DOCK3: variants seen among roughly 807,000 people sequenced by gnomAD.
DOCK3 encodes the protein dedicator of cytokinesis 3, also known as dedicator of cytokinesis protein 3.
DOCK3 carries 60 observed loss-of-function variants against 265.6 expected under a neutral mutation model. That is an observed-to-expected ratio of 0.23 (90% CI 0.18 to 0.28). The LOEUF (loss-of-function observed/expected upper bound fraction) is 0.28, where lower values mean the gene tolerates loss of function less well. DOCK3 is among the 10% of genes least tolerant of loss of function. DOCK3 has a pLI of 1.00. For missense variants in DOCK3, 1,981 were observed against 2,594.3 expected (o/e 0.76, Z 5.14); for synonymous variants, 881 against 938.0 (o/e 0.94, Z 1.11).
chr3:50,792,044 G>A (rs1317592343), intron 2 of DOCK3, among the ~76,000 whole-genome samples: 1 of 151,854 alleles, frequency 6.6e-6, no homozygotes, highest in African/African-American at 2.4e-5. Flanking sequence ...AATTGCTTTG[G>A]GCAGTATGAC....
At chr3:51,186,501 TG>T (rs1241583300) in intron 12 of DOCK3, among the ~76,000 whole-genome samples, 2 of 152,230 alleles carry the variant, frequency 1.3e-5, no homozygotes, top group African/African-American at 4.8e-5. Flanking sequence ...TCAAGCTGGC[TG>T]CATAAATTTG....
At chr3:51,258,361 C>T (rs2079662488) in intron 22 of DOCK3, among the ~76,000 whole-genome samples, 1 of 152,174 alleles carries the variant, frequency 6.6e-6, no homozygotes, top group African/African-American at 2.4e-5. Flanking sequence ...CCGATCCTTC[C>T]TGCATCTTCC....
At chr3:50,888,933 G>A (rs546979073) in intron 3 of DOCK3, among the ~76,000 whole-genome samples, 14 of 151,846 alleles carry the variant, frequency 9.2e-5, no homozygotes, top group Middle Eastern at 3.4e-3. Flanking sequence ...AGGATTTTAC[G>A]TTACTATATG....
At chr3:51,121,968 A>G (rs1482003833) in intron 9 of DOCK3, among the ~76,000 whole-genome samples, 2 of 152,218 alleles carry the variant, frequency 1.3e-5, no homozygotes, top group African/African-American at 4.8e-5. Flanking sequence ...GAAGCTTTTA[A>G]GAGGAACTAA....
At chr3:51,281,274 A>AATATAAATATATATATATAT (rs1312141308) in intron 27 of DOCK3, among the ~76,000 whole-genome samples, 1 of 125,694 alleles carries the variant, frequency 8.0e-6, no homozygotes, top group African/African-American at 3.0e-5. Flanking sequence ...GATGAGCTAA[A>AATATAAATATATATATATAT]ATATATATAT....
At chr3:50,758,570 C>T (rs150600331) in intron 1 of DOCK3, among the ~76,000 whole-genome samples, 1 of 152,154 alleles carries the variant, frequency 6.6e-6, no homozygotes, top group East Asian at 1.9e-4. Flanking sequence ...TCTGCAGCAT[C>T]AAGTACATAC....
At chr3:50,702,850 A>G (rs1306171573) in intron 1 of DOCK3, among the ~76,000 whole-genome samples, 1 of 150,892 alleles carries the variant, frequency 6.6e-6, no homozygotes, top group Non-Finnish European at 1.5e-5. Flanking sequence ...CTCTTGCCTG[A>G]TTGCTCTAGC....
At chr3:50,895,567 C>G (rs1281625264) in intron 4 of DOCK3, among the ~76,000 whole-genome samples, 2 of 151,938 alleles carry the variant, frequency 1.3e-5, no homozygotes, top group East Asian at 3.9e-4. Flanking sequence ...GCAGAATGTG[C>G]AGGTTTGCTA....
chr3:50,905,613 G>T (rs1367619005), intron 4 of DOCK3, among the ~76,000 whole-genome samples: 1 of 152,084 alleles, frequency 6.6e-6, no homozygotes, highest in Non-Finnish European at 1.5e-5. Context: ...CATTGATTTT[G>T]TATCCTGAGA....
intron 1 of DOCK3, among the ~76,000 whole-genome samples, chr3:50,766,447 T>C (rs2040881804): frequency 6.6e-6 from 1 of 152,112 alleles, no homozygotes; most frequent in African/African-American, 2.4e-5. Flanking sequence ...ACAAAGGACA[T>C]GAACTCATCC....
At chr3:51,202,185 A>G (rs200615329) in intron 12 of DOCK3, among the ~76,000 whole-genome samples, 2 of 119,786 alleles carry the variant, frequency 1.7e-5, no homozygotes, top group African/African-American at 6.6e-5. Flanking sequence ...AACTGAAGGA[A>G]ATAGAGACAC....
At chr3:51,046,771 C>G (rs1167725833) in intron 5 of DOCK3, among the ~76,000 whole-genome samples, 1 of 152,000 alleles carries the variant, frequency 6.6e-6, no homozygotes, top group Admixed American at 6.6e-5. Flanking sequence ...GCAACAGAAT[C>G]AGTATTTTTC....
rs1560518414 is a variant in DOCK3 at position 51,369,427 on chromosome 3, T to TG, written c.5294-5040dup. ...AGCTTCAGTAGCCGATTCGATCAAC[T>TG]GGAAGAAAGGGTATCAGTGATTGAA... On this transcript the variant is annotated intron_variant, in intron 49 of 52. Coordinates refer to ENST00000266037, the MANE Select transcript of DOCK3 (RefSeq NM_004947.5). Among the ~76,000 whole-genome samples the TG allele has an allele frequency of 2.6e-5, 4 of 152,168 alleles. No individual in the cohort carries two copies. In the South Asian group the frequency reaches 8.3e-4, roughly 32 times the overall value.
chr3:50,865,826 C>T (rs2047113974), intron 3 of DOCK3, among the ~76,000 whole-genome samples: 1 of 152,110 alleles, frequency 6.6e-6, no homozygotes, highest in Non-Finnish European at 1.5e-5. Context: ...TATTGTTTGT[C>T]TTTTGGATAT....
chr3:50,874,825 A>G (rs2047621327), intron 3 of DOCK3, among the ~76,000 whole-genome samples: 1 of 152,170 alleles, frequency 6.6e-6, no homozygotes, highest in African/African-American at 2.4e-5. Context: ...TTTCAGTTCT[A>G]AGCTTTTTTG....
chr3:51,158,312 G>A (rs566815863), intron 10 of DOCK3, among the ~76,000 whole-genome samples: 6 of 152,176 alleles, frequency 3.9e-5, no homozygotes, highest in Non-Finnish European at 7.4e-5. Flanking sequence ...TTGGGAGGCT[G>A]AGGCAGGAAG....
intron 2 of DOCK3, among the ~76,000 whole-genome samples, chr3:50,782,635 T>C (rs940421889): frequency 4.0e-5 from 6 of 151,236 alleles, no homozygotes. Flanking sequence ...TTTTCAAAAT[T>C]AAGTTTTTTT....
intron 2 of DOCK3, among the ~76,000 whole-genome samples, chr3:50,804,961 G>A (rs1009605913): frequency 2.6e-5 from 4 of 152,020 alleles, no homozygotes; most frequent in African/African-American, 4.8e-5. Flanking sequence ...CTCTTGTATG[G>A]CACTGAGTTT....
At chr3:50,729,402 ATTATAC>A in intron 1 of DOCK3, among the ~76,000 whole-genome samples, 1 of 139,930 alleles carries the variant, frequency 7.1e-6, no homozygotes, top group South Asian at 2.2e-4. Context: ...TTATTTTATT[ATTATAC>A]TTTAAGTTTT....
Sources: allele counts gnomAD v4.1 joint callset (sites outside exome capture counted in the v4.1 genomes callset), GRCh38; gene constraint gnomAD v4.1.1; transcripts MANE v1.5; gene names NCBI Gene and HGNC (gene_info 2026-07-23, HGNC 2026-07-21).